The following SUSD2 variants were observed in gnomAD, a reference collection of about 807,000 sequenced individuals.
SUSD2 encodes the protein sushi domain containing 2.
SUSD2 carries 86 observed loss-of-function variants against 93.8 expected under a neutral mutation model. The observed-to-expected ratio is 0.92, with a 90% CI of 0.77 to 1.10. The LOEUF is 1.10. Ranked by LOEUF, SUSD2 falls within the 50% of genes least tolerant of loss-of-function variation. The pLI is 0.00. For missense variants in SUSD2, 1,060 were observed against 1,137.0 expected (o/e 0.93, Z 0.97); for synonymous variants, 483 against 485.0 (o/e 1.00, Z 0.05).
rs2047368446 is a variant in SUSD2, at chr22:24,186,658, G to A, written c.1642+243G>A. The A allele has an allele frequency of 1.4e-5, 8 of 563,336 alleles. No individual in the cohort carries two copies. In the South Asian group the frequency reaches 1.4e-4, roughly 10 times the overall value. 34.9% of individuals were successfully genotyped at this position (563,336 alleles called of 1,614,324 possible). On this transcript the variant is annotated intron_variant, in intron 10 of 14. Transcript: ENST00000358321. The stretch of plus-strand genomic sequence containing the variant: ...GGAGGATCCCGGGAGCCTTCTGGAG[G>A]GGAACTCACCCTGGTAACGTTCACC...
chr22:24,186,612 G>A (rs964109083), intron 10 of SUSD2, 197 bp downstream of exon 10: 15 of 635,698 alleles, frequency 2.4e-5, no homozygotes, highest in South Asian at 5.9e-5. Flanking sequence ...AGGCCGTGAC[G>A]GTGGGACATG....
intron 6 of SUSD2, 92 bp from the exon 7 acceptor site, chr22:24,185,394 G>A: frequency 6.5e-7 from 1 of 1,533,798 alleles, no homozygotes; most frequent in Non-Finnish European, 8.8e-7. Flanking sequence ...TGGAGGGTGG[G>A]GCTGGGGTCT....
intron 1 of SUSD2, among the ~76,000 whole-genome samples, chr22:24,181,907 C>T (rs916627777): frequency 6.6e-5 from 10 of 152,200 alleles, no homozygotes; most frequent in Non-Finnish European, 1.2e-4. Context: ...TGTGGGTCCT[C>T]ATCAGGGTGG....
At position 24,187,676 on chromosome 22, in the gene SUSD2, C is replaced by G. The variant is rs772487651; in HGVS notation, c.1997C>G (p.Pro666Arg). The G allele has an allele frequency of 1.1e-5, 17 of 1,614,008 alleles. No individual in the cohort carries two copies. In the African/African-American group the frequency reaches 2.0e-4, roughly 19 times the overall value. Residue 666 changes from proline (P) to arginine (R), a missense_variant, in exon 12 of 15, where the codon CCC becomes CGC. Transcript: ENST00000358321. ...KHDPTFEPLFPSETTLNPSLA... is the reference protein window; with the variant it reads ...KHDPTFEPLFRSETTLNPSLA... ...GACCCCACCTTCGAGCCCCTCTTCC[C>G]CAGTGAGACCACCCTCAACCCCAGC...
chr22:24,183,942 T>G, intron 3 of SUSD2, 194 bp from the exon 4 acceptor site: 1 of 668,174 alleles, frequency 1.5e-6, no homozygotes, highest in South Asian at 1.9e-5. Flanking sequence ...GCTAGAGGCG[T>G]GGGCAGTGGA....
Position 24,184,853 on chromosome 22 carries a change from T to G in SUSD2, c.695T>G (p.Phe232Cys). The G allele has an allele frequency of 6.2e-7, 1 of 1,614,000 alleles. No individual in the cohort carries two copies. The highest frequency in any genetic ancestry group is 8.5e-7 in the Non-Finnish European group (1 of 1,179,990). The stretch of plus-strand genomic sequence containing the variant: ...ATCCCCAACTCCGGCTCTTTCACTT[T>G]CACCCCAAAACCTGCTCCTCCCAGC... Reference protein sequence around the residue: ...THIPNSGSFTFTPKPAPPSYQ... With the variant: ...THIPNSGSFTCTPKPAPPSYQ... Residue 232 changes from phenylalanine to cysteine, a missense_variant, in exon 5 of 15, where the codon TTC (phenylalanine) becomes TGC (cysteine). By Grantham distance (205) the Phe-to-Cys change is radical. Around this residue, in one of 2 missense-constraint regions of SUSD2, gnomAD observed 973 missense variants for 1,005.3 expected, o/e 0.97. Coordinates refer to ENST00000358321, the MANE Select transcript of SUSD2 (RefSeq NM_019601.4).
chr22:24,183,179 C>A lies in SUSD2; in HGVS notation c.199C>A (p.Pro67Thr), dbSNP rs1418353860. Reference protein sequence around the residue: ...DFRDFCLEILPYSGSMMGGKD... With the variant: ...DFRDFCLEILTYSGSMMGGKD... Reference sequence around the variant, plus strand: ...CCGGGACTTCTGCCTGGAGATATTGCCCTACTCAGGATCCATGATGGGCGG... The same window carrying A: ...CCGGGACTTCTGCCTGGAGATATTGACCTACTCAGGATCCATGATGGGCGG... The change falls in exon 2 of 15, where the codon CCC (proline) becomes ACC (threonine). Residue 67 changes from proline (P) to threonine (T), a missense_variant. Physicochemically the swap from Pro to Thr is conservative, Grantham distance 38. Coordinates refer to ENST00000358321, the MANE Select transcript of SUSD2 (RefSeq NM_019601.4). The A allele has an allele frequency of 6.2e-7, 1 of 1,614,018 alleles. No homozygotes were observed. The highest frequency in any genetic ancestry group is 1.7e-5 in the Admixed American group (1 of 60,030).
In SUSD2 at chr22:24,181,535, C is replaced by T; in HGVS notation, c.16C>T (p.Leu6=). MKPAL[L]PWALLLLATA... ...AGGCTGCACCATGAAGCCAGCCCTCCTGCCCTGGGCCCTGCTGCTGCTGGC... is the reference window on the plus strand; with the variant it reads ...AGGCTGCACCATGAAGCCAGCCCTCTTGCCCTGGGCCCTGCTGCTGCTGGC... The change falls in exon 1 of 15, where the codon CTG becomes TTG. Residue 6 remains leucine (L), a synonymous_variant. Transcript: ENST00000358321. 1 of 1,592,014 alleles carries T rather than the reference C, an allele frequency of 6.3e-7. No homozygotes were observed. The highest frequency in any genetic ancestry group is 8.5e-7 in the Non-Finnish European group (1 of 1,172,784).
rs188408468 is a variant in SUSD2 at position 24,186,642 on chromosome 22, C to T, written c.1642+227C>T. 250 of 582,904 alleles carry T rather than the reference C, an allele frequency of 4.3e-4. 1 individual carries two copies. The highest frequency in any genetic ancestry group is 4.1e-3 in the African/African-American group (222 of 53,626). 36.1% of individuals were successfully genotyped at this position (582,904 alleles called of 1,614,324 possible). A position where few individuals can be genotyped will look rare whatever the true frequency, so the allele number is the denominator to read the frequency against. On this transcript the variant is annotated intron_variant, in intron 10 of 14. Transcript: ENST00000358321. ...GACATGTCCTCCCTACGGAGGATCC[C>T]GGGAGCCTTCTGGAGGGGAACTCAC...
In SUSD2 at chr22:24,186,267, C is replaced by T. The variant is rs2047365851; in HGVS notation, c.1494C>T (p.Thr498=). 1.2e-6 allele frequency: 2 copies of T among 1,613,356 alleles called. No homozygotes were observed. The highest frequency in any genetic ancestry group is 8.5e-7 in the Non-Finnish European group (1 of 1,179,982). The change falls in exon 10 of 15, where the codon ACC becomes ACT. Residue 498 remains threonine (T), a synonymous_variant. Coordinates refer to ENST00000358321, the MANE Select transcript of SUSD2 (RefSeq NM_019601.4). ...CTCCCACCACCGCAGGCACGGAGACCCGTGGCACTGGGCTGACCGCAGTGG... is the reference window on the plus strand; with the variant it reads ...CTCCCACCACCGCAGGCACGGAGACTCGTGGCACTGGGCTGACCGCAGTGG... ...QPGTMSNGTE[T]RGTGLTAVAV... is the part of the protein sequence containing the mutation.
At chr22:24,183,998 T>C (rs768298879) in intron 3 of SUSD2, 138 bp from the exon 4 acceptor site, 204 of 836,486 alleles carry the variant, frequency 2.4e-4, no homozygotes, top group Middle Eastern at 3.6e-4. Flanking sequence ...CCTTTTCTGC[T>C]GTGCGGGCCA....
chr22:24,184,302 A>G lies in SUSD2; in HGVS notation c.606A>G (p.Thr202=), dbSNP rs1054286893. 2.6e-5 allele frequency: 42 copies of G among 1,612,894 alleles called. No homozygotes were observed. The highest frequency in any genetic ancestry group is 3.6e-5 in the Non-Finnish European group (42 of 1,179,786). Residue 202 remains threonine (T), a splice_region_variant and synonymous_variant, in exon 4 of 15, where the codon ACA becomes ACG. Transcript: ENST00000358321. Reference sequence around the variant, plus strand: ...TCGAACTGTGGGGCTACGAGGAGACAGGTGAGGCCAGCTGAGGGCTGGGGT... The same window carrying G: ...TCGAACTGTGGGGCTACGAGGAGACGGGTGAGGCCAGCTGAGGGCTGGGGT... ...ITIELWGYEE[T]GMPYSQEWTA...
Position 24,184,850 on chromosome 22 carries a change from C to T in SUSD2, c.692C>T (p.Thr231Ile). The T allele has an allele frequency of 6.2e-7, 1 of 1,614,050 alleles. No individual in the cohort carries two copies. Among genetic ancestry groups the T allele is most frequent in the Non-Finnish European group, 8.5e-7 (1 of 1,180,004 alleles). ...ATHIPNSGSFTFTPKPAPPSY... is the reference protein window; with the variant it reads ...ATHIPNSGSFIFTPKPAPPSY... ...CACATCCCCAACTCCGGCTCTTTCA[C>T]TTTCACCCCAAAACCTGCTCCTCCC... Residue 231 changes from threonine to isoleucine, a missense_variant, in exon 5 of 15, where the codon ACT (threonine) becomes ATT (isoleucine). Coordinates refer to ENST00000358321, the MANE Select transcript of SUSD2 (RefSeq NM_019601.4).
rs144418043 is a variant in SUSD2 at position 24,182,825 on chromosome 22, C to T, written c.77-232C>T. The T allele has an allele frequency of 4.9e-5, 27 of 556,646 alleles. No homozygotes were observed. In the East Asian group the frequency reaches 8.1e-4, roughly 17 times the overall value. The allele number at this position is 556,646 out of a possible 1,614,324, so 34.5% of individuals were successfully genotyped here. On this transcript the variant is annotated intron_variant, in intron 1 of 14. Coordinates refer to ENST00000358321, the MANE Select transcript of SUSD2 (RefSeq NM_019601.4). ...GCTTTTTGCCTCTTCTCGCTGCATT[C>T]TAGCCCGTCAGTCAGGGCAACAGCC...
At position 24,185,942 on chromosome 22, in the gene SUSD2, C is replaced by A; in HGVS notation, c.1339+13C>A. ...CCCCCAAGACTGGGTGGGTGCCATCCCGTGCCCCAGACCCTGGGAAAGATC... is the reference window on the plus strand; with the variant it reads ...CCCCCAAGACTGGGTGGGTGCCATCACGTGCCCCAGACCCTGGGAAAGATC... On this transcript the variant is annotated intron_variant, in intron 8 of 14. Transcript: ENST00000358321. 6.4e-7 allele frequency: 1 copy of A among 1,569,106 alleles called. No individual in the cohort carries two copies. Among genetic ancestry groups the A allele is most frequent in the Non-Finnish European group, 8.7e-7 (1 of 1,153,344 alleles).
chr22:24,186,361 C>T lies in SUSD2; in HGVS notation c.1588C>T (p.Leu530=), dbSNP rs765996290. ...LANRTGGLEV[L]LNQEVLSFTE... ...CAACAGGACCGGAGGTCTGGAGGTG[C>T]TGCTGAACCAGGAGGTGCTGAGCTT... Residue 530 remains leucine (L), a synonymous_variant, in exon 10 of 15, where the codon CTG becomes TTG. Coordinates refer to ENST00000358321, the MANE Select transcript of SUSD2 (RefSeq NM_019601.4). The T allele has an allele frequency of 1.8e-5, 29 of 1,613,746 alleles. No individual in the cohort carries two copies. In the Admixed American group the frequency reaches 4.7e-4, roughly 26 times the overall value.
chr22:24,187,213 T>A lies in SUSD2; in HGVS notation c.1654T>A (p.Ser552Thr), dbSNP rs1471646644. 6.2e-7 allele frequency: 1 copy of A among 1,612,800 alleles called. No homozygotes were observed. The highest frequency in any genetic ancestry group is 8.5e-7 in the Non-Finnish European group (1 of 1,179,928). Residue 552 changes from serine (S) to threonine (T), a missense_variant, in exon 11 of 15, where the codon TCG (serine) becomes ACG (threonine). Around this residue, in one of 2 missense-constraint regions of SUSD2, gnomAD observed 973 missense variants for 1,005.3 expected, o/e 0.97. Coordinates refer to ENST00000358321, the MANE Select transcript of SUSD2 (RefSeq NM_019601.4). ...SWMDLKGMFL[S>T]VAAGDRVSIM... is the part of the protein sequence containing the mutation. ...CCCCTTGAGCCCAGGAATGTTCCTG[T>A]CGGTGGCTGCCGGGGACAGGGTCTC...
Position 24,185,245 on chromosome 22 carries a change from G to A in SUSD2, c.934G>A (p.Asp312Asn). ...GCCCAACTTCCTGGAGGAGCTGCCGGACTGCCCCTGCACCCTGACCCAGGC... is the reference window on the plus strand; with the variant it reads ...GCCCAACTTCCTGGAGGAGCTGCCGAACTGCCCCTGCACCCTGACCCAGGC... Reference protein sequence around the residue: ...QLPNFLEELPDCPCTLTQARA... With the variant: ...QLPNFLEELPNCPCTLTQARA... The change falls in exon 6 of 15, where the codon GAC becomes AAC. Residue 312 changes from aspartate (D) to asparagine (N), a missense_variant. Physicochemically the swap from Asp to Asn is conservative, Grantham distance 23. Coordinates refer to ENST00000358321, the MANE Select transcript of SUSD2 (RefSeq NM_019601.4). 6.2e-7 allele frequency: 1 copy of A among 1,607,524 alleles called. No homozygotes were observed. Among genetic ancestry groups the A allele is most frequent in the Non-Finnish European group, 8.5e-7 (1 of 1,179,912 alleles).
At position 24,185,215 on chromosome 22, in the gene SUSD2, C is replaced by T; in HGVS notation, c.904C>T (p.Gln302Ter). 1 of 1,610,712 alleles carries T rather than the reference C, an allele frequency of 6.2e-7. No individual in the cohort carries two copies. Among genetic ancestry groups the T allele is most frequent in the Non-Finnish European group, 8.5e-7 (1 of 1,179,926 alleles). The change falls in exon 6 of 15, where the codon CAG becomes TAG. Residue 302 changes from glutamine to a stop codon, truncating the protein, a stop_gained. Transcript: ENST00000358321. LOFTEE classifies it high-confidence loss of function. ...QCQAWEELED[Q>*]LPNFLEELPD... ...CCAGGCCTGGGAGGAGCTGGAGGAT[C>T]AGCTGCCCAACTTCCTGGAGGAGCT... is the stretch of plus-strand genomic sequence containing the variant.
Sources: gnomAD v4.1 joint callset for allele counts (sites outside exome capture counted in the v4.1 genomes callset) on GRCh38, gnomAD v4.1.1 for gene constraint, gnomAD v4.1.1 regional missense constraint, MANE v1.5 for transcripts, NCBI Gene and HGNC (gene_info 2026-07-23, HGNC 2026-07-21) for gene names.